The following PGM5 variants were observed in gnomAD, a reference collection of about 807,000 sequenced individuals.
PGM5 encodes phosphoglucomutase 5, also known as phosphoglucomutase-like protein 5.
Under a neutral mutation model 59.2 loss-of-function variants are expected in PGM5, and 23 were observed. That is an observed-to-expected ratio of 0.39 (90% confidence interval 0.28 to 0.55). PGM5 has a LOEUF of 0.55. Ranked by LOEUF, PGM5 falls within the 20% of genes least tolerant of loss-of-function variation. The pLI is 0.66. For synonymous variants in PGM5, 214 were observed against 286.0 expected (o/e 0.75, Z 2.54); for missense variants, 574 against 748.3 (o/e 0.77, Z 2.72).
At chr9:68,436,652 T>TG (rs1823446511) in intron 6 of PGM5, among the ~76,000 whole-genome samples, 2 of 152,242 alleles carry the variant, frequency 1.3e-5, no homozygotes, top group African/African-American at 4.8e-5. Flanking sequence ...CACTGCCAAG[T>TG]GTATTTGTAC....
chr9:68,459,557 A>G (rs1229349828), intron 6 of PGM5, among the ~76,000 whole-genome samples: 6 of 152,100 alleles, frequency 3.9e-5, no homozygotes, highest in African/African-American at 1.2e-4. Flanking sequence ...TTGTTGTTCT[A>G]TGGTACTCCT....
Position 68,475,153 on chromosome 9 carries a change from A to C in PGM5, c.1160-4265A>C, listed in dbSNP as rs575207012. Among the ~76,000 whole-genome samples, 20 of 148,554 alleles carry C rather than the reference A, an allele frequency of 1.3e-4. 1 individual carries two copies. The highest frequency in any genetic ancestry group is 1.1e-3 in the South Asian group (5 of 4,650). On this transcript the variant is annotated intron_variant, in intron 7 of 10. Transcript: ENST00000396396. ...CTCAGCTTCCCAAGTAGCAGGGATTACATGGATGTGTCTGCCATCATGCCT... is the reference window on the plus strand; with the variant it reads ...CTCAGCTTCCCAAGTAGCAGGGATTCCATGGATGTGTCTGCCATCATGCCT...
Position 68,479,661 on chromosome 9 carries a change from G to A in PGM5, c.1295+108G>A, listed in dbSNP as rs898419083. The stretch of plus-strand genomic sequence containing the variant: ...TTAAAAAGGAGGCATCAGGCCGGGC[G>A]CGGTGGCTCACGCCTGTAATCCCAG... On this transcript the variant is annotated intron_variant, in intron 8 of 10. Coordinates refer to ENST00000396396, the MANE Select transcript of PGM5 (RefSeq NM_021965.4). The A allele has an allele frequency of 4.0e-5, 48 of 1,188,568 alleles. No individual in the cohort carries two copies. The East Asian group carries it at 5.2e-4, about 13-fold the overall frequency. 73.6% of individuals were successfully genotyped at this position (1,188,568 alleles called of 1,614,324 possible).
At chr9:68,404,665 T>C (rs115957278) in intron 6 of PGM5, among the ~76,000 whole-genome samples, 1,818 of 152,292 alleles carry the variant, frequency 0.012, 28 homozygotes, top group African/African-American at 0.042. Context: ...TGCCTGACGA[T>C]TAAATTTGTC....
At chr9:68,379,062 A>C (rs1821998624) in intron 2 of PGM5, among the ~76,000 whole-genome samples, 2 of 152,202 alleles carry the variant, frequency 1.3e-5, no homozygotes. Flanking sequence ...TTTTGTATGC[A>C]TCTCTAAAAA....
intron 6 of PGM5, chr9:68,426,899 A>G (rs1270488215): frequency 6.6e-6 from 1 of 152,182 alleles, no homozygotes; most frequent in Non-Finnish European, 1.5e-5. Flanking sequence ...GCCCTTCAGG[A>G]CAAGATTGTG....
chr9:68,382,272 A>G (rs1822097436), intron 2 of PGM5, among the ~76,000 whole-genome samples: 1 of 151,842 alleles, frequency 6.6e-6, no homozygotes, highest in South Asian at 2.1e-4. Flanking sequence ...TAATGGAGAA[A>G]GAAAAAAACC....
intron 10 of PGM5, among the ~76,000 whole-genome samples, chr9:68,500,702 T>C (rs1824559202): frequency 6.6e-6 from 1 of 152,132 alleles, no homozygotes; most frequent in African/African-American, 2.4e-5. Flanking sequence ...GGGAGGGAGA[T>C]TAAAGCAGGG....
intron 6 of PGM5, among the ~76,000 whole-genome samples, chr9:68,409,807 A>G (rs1345409997): frequency 6.8e-6 from 1 of 147,382 alleles, no homozygotes; most frequent in Non-Finnish European, 1.5e-5. Flanking sequence ...GCCCACCAGC[A>G]TGGCACATGT....
At chr9:68,360,506 C>A (rs1834555242) in intron 1 of PGM5, among the ~76,000 whole-genome samples, 1 of 149,896 alleles carries the variant, frequency 6.7e-6, no homozygotes, top group South Asian at 2.1e-4. Flanking sequence ...AGAAATATAC[C>A]CTGTTCAATG....
intron 7 of PGM5, among the ~76,000 whole-genome samples, chr9:68,466,721 T>C (rs745578656): frequency 6.6e-6 from 1 of 152,194 alleles, no homozygotes; most frequent in Non-Finnish European, 1.5e-5. Flanking sequence ...CCCCCAGCAG[T>C]GGCATATTTT....
At position 68,357,341 on chromosome 9, in the gene PGM5, A is replaced by G. The variant is rs1834474331; in HGVS notation, c.214A>G (p.Ser72Gly). The G allele has an allele frequency of 2.6e-6, 4 of 1,558,384 alleles. No individual in the cohort carries two copies. The highest frequency in any genetic ancestry group is 3.8e-5 in the Admixed American group (2 of 52,692). ...MVVGSDGRYF[S>G]RTAIEIVVQM... is the part of the protein sequence containing the mutation. Reference sequence around the variant, plus strand: ...GGTGGGCAGCGACGGCAGGTACTTTAGCAGGACGGCCATCGAGATCGTGGT... The same window carrying G: ...GGTGGGCAGCGACGGCAGGTACTTTGGCAGGACGGCCATCGAGATCGTGGT... Residue 72 changes from serine (S) to glycine (G), a missense_variant, in exon 1 of 11, where the codon AGC (serine) becomes GGC (glycine). Physicochemically the swap from Ser to Gly is moderately conservative, Grantham distance 56. Around this residue, in one of 7 missense-constraint regions of PGM5, gnomAD observed 61 missense variants for 133.3 expected, o/e 0.46. Transcript: ENST00000396396.
chr9:68,497,453 A>G (rs1219821940), intron 9 of PGM5: 1 of 152,118 alleles, frequency 6.6e-6, no homozygotes, highest in Non-Finnish European at 1.5e-5. Flanking sequence ...ACATTGAACC[A>G]CTCCAAAAGA....
intron 6 of PGM5, chr9:68,405,486 A>G (rs1490436776): frequency 6.6e-6 from 1 of 152,384 alleles, no homozygotes; most frequent in South Asian, 2.1e-4. Context: ...TCTGAGACTC[A>G]CTAATAACTG....
intron 7 of PGM5, among the ~76,000 whole-genome samples, chr9:68,465,985 A>G (rs1451990134): frequency 6.6e-6 from 1 of 152,056 alleles, no homozygotes; most frequent in African/African-American, 2.4e-5. Context: ...GTTGTTGTTC[A>G]TTAATTTTAG....
At chr9:68,485,250 A>G (rs1051738115) in intron 9 of PGM5, among the ~76,000 whole-genome samples, 1 of 151,980 alleles carries the variant, frequency 6.6e-6, no homozygotes, top group African/African-American at 2.4e-5. Flanking sequence ...TCATCTATTT[A>G]TTTCATTTCC....
At position 68,388,925 on chromosome 9, in the gene PGM5, T is replaced by C. The variant is rs547450195; in HGVS notation, c.697+1337T>C. ...TATCTTTATTATATTGGACACCTGA[T>C]GGACCCTTTCAGTCTGAACACTTGT... On this transcript the variant is annotated intron_variant, in intron 4 of 10. Transcript: ENST00000396396. Among the ~76,000 whole-genome samples, 9 of 152,202 alleles carry C rather than the reference T, an allele frequency of 5.9e-5. No individual in the cohort carries two copies. In the East Asian group the frequency reaches 1.7e-3, roughly 29 times the overall value.
At chr9:68,474,683 A>G (rs1554686520) in intron 7 of PGM5, among the ~76,000 whole-genome samples, 1 of 151,662 alleles carries the variant, frequency 6.6e-6, no homozygotes, top group African/African-American at 2.4e-5. Context: ...GGCTGCTCAG[A>G]GTAAGATTGC....
intron 6 of PGM5, among the ~76,000 whole-genome samples, chr9:68,464,349 A>T (rs1044850061): frequency 1.2e-4 from 18 of 152,212 alleles, no homozygotes; most frequent in Admixed American, 2.0e-4. Flanking sequence ...AACACAGAGA[A>T]GTTGGATTGA....
Sources: allele counts gnomAD v4.1 joint callset (sites outside exome capture counted in the v4.1 genomes callset), GRCh38; gene constraint gnomAD v4.1.1; regional missense constraint gnomAD v4.1.1; transcripts MANE v1.5; gene names NCBI Gene and HGNC (gene_info 2026-07-23, HGNC 2026-07-21).